Variants in SRGAP3 observed in about 807,000 individuals in gnomAD.
The protein encoded by SRGAP3 is SLIT-ROBO Rho GTPase-activating protein 3.
A neutral mutation model predicts 121.1 loss-of-function variants in SRGAP3; 39 were observed. The ratio of observed to expected loss-of-function variants is 0.32; its 90% CI spans 0.25 to 0.42. The LOEUF (loss-of-function observed/expected upper bound fraction) is 0.42, where lower values mean the gene tolerates loss of function less well. Among genes scored for constraint, SRGAP3 ranks in the 10% least tolerant of loss-of-function variants. The pLI is 1.00. For missense variants in SRGAP3, 1,213 were observed against 1,470.6 expected (o/e 0.82, Z 2.86); for synonymous variants, 601 against 570.0 (o/e 1.05, Z -0.77).
intron 3 of SRGAP3, among the ~76,000 whole-genome samples, chr3:9,324,075 CAG>C (rs2125283480): frequency 6.6e-6 from 1 of 151,970 alleles, no homozygotes; most frequent in East Asian, 1.9e-4. Flanking sequence ...GGTTACAGCT[CAG>C]AGTTTGCCTT....
At chr3:9,256,142 C>T (rs919595881) in intron 3 of SRGAP3, among the ~76,000 whole-genome samples, 3 of 152,148 alleles carry the variant, frequency 2.0e-5, no homozygotes, top group Admixed American at 6.6e-5. Flanking sequence ...GGAAATCAGT[C>T]TCTCAGCCAT....
At chr3:9,049,788 T>TC (rs1945475093) in intron 9 of SRGAP3, among the ~76,000 whole-genome samples, 1 of 151,656 alleles carries the variant, frequency 6.6e-6, no homozygotes, top group African/African-American at 2.4e-5. Flanking sequence ...TTTTTTTTTT[T>TC]TTTTAGGTAA....
intron 1 of SRGAP3, among the ~76,000 whole-genome samples, chr3:9,335,599 G>C (rs1357626066): frequency 6.6e-6 from 1 of 152,156 alleles, no homozygotes; most frequent in Non-Finnish European, 1.5e-5. Flanking sequence ...CTCAAAGTGA[G>C]GTTCCCCACA....
chr3:9,266,801 C>T (rs1057096188), intron 3 of SRGAP3, among the ~76,000 whole-genome samples: 2 of 152,150 alleles, frequency 1.3e-5, no homozygotes, highest in Non-Finnish European at 2.9e-5. Context: ...GTAATGAGGC[C>T]TTACCAGGCC....
chr3:9,142,856 A>G (rs1373343879), intron 1 of SRGAP3, among the ~76,000 whole-genome samples: 1 of 25,666 alleles, frequency 3.9e-5, no homozygotes, highest in Non-Finnish European at 8.4e-5. Context: ...TTTTTTTGAT[A>G]AGACAGGGTC....
At position 9,230,962 on chromosome 3, in the gene SRGAP3, G is replaced by T. The variant is rs967253292; in HGVS notation, c.67+17923C>A. Reference sequence around the variant, plus strand: ...TCGGTCCCCTGTCTTCTAACTGCAGGTCTACCCCAGGGCTCTGTTACTAGA... The same window carrying T: ...TCGGTCCCCTGTCTTCTAACTGCAGTTCTACCCCAGGGCTCTGTTACTAGA... On this transcript the variant is annotated intron_variant, in intron 1 of 21. Coordinates refer to ENST00000383836, the MANE Select transcript of SRGAP3 (RefSeq NM_014850.4). 2.0e-5 allele frequency among the ~76,000 whole-genome samples: 3 copies of T among 152,144 alleles called. No homozygotes were observed. In the East Asian group the frequency reaches 5.8e-4, roughly 29 times the overall value.
chr3:9,237,988 G>A (rs542513226), intron 1 of SRGAP3, among the ~76,000 whole-genome samples: 3 of 152,294 alleles, frequency 2.0e-5, no homozygotes, highest in South Asian at 4.1e-4. Context: ...GGGGACATTT[G>A]GCTATGTCTG....
At chr3:9,010,479 G>T in intron 17 of SRGAP3, 92 bp from the exon 18 acceptor site, 5 of 1,412,286 alleles carry the variant, frequency 3.5e-6, no homozygotes, top group Non-Finnish European at 5.0e-6. Flanking sequence ...TTGGCCTCTG[G>T]GCCCTCCCGC....
At chr3:9,044,786 A>G (rs71314322) in intron 10 of SRGAP3, among the ~76,000 whole-genome samples, 18,379 of 152,202 alleles carry the variant, frequency 0.12, 1,160 homozygotes, top group Middle Eastern at 0.14. Flanking sequence ...AGAAGGATGA[A>G]TTTGCTAAGA....
chr3:9,346,476 T>C (rs1955893090), intron 1 of SRGAP3, among the ~76,000 whole-genome samples: 1 of 152,192 alleles, frequency 6.6e-6, no homozygotes, highest in South Asian at 2.1e-4. Context: ...GTTGTTATTT[T>C]GTTCCTCTTT....
intron 1 of SRGAP3, among the ~76,000 whole-genome samples, chr3:9,170,484 A>G (rs1275049196): frequency 6.6e-6 from 1 of 152,158 alleles, no homozygotes; most frequent in Non-Finnish European, 1.5e-5. Flanking sequence ...CTCTCACACA[A>G]CAGAAGAGAG....
chr3:9,223,862 G>A (rs909278793), intron 1 of SRGAP3, among the ~76,000 whole-genome samples: 1 of 152,198 alleles, frequency 6.6e-6, no homozygotes, highest in Non-Finnish European at 1.5e-5. Flanking sequence ...GGGTTGCTGT[G>A]AGATTCGATT....
intron 3 of SRGAP3, among the ~76,000 whole-genome samples, chr3:9,291,600 C>T: frequency 9.4e-6 from 1 of 106,668 alleles, no homozygotes. Flanking sequence ...CATGCATCAA[C>T]ACCACACACA....
Position 9,013,857 on chromosome 3 carries a change from G to A in SRGAP3, c.1814-15C>T. 1 of 1,612,156 alleles carries A rather than the reference G, an allele frequency of 6.2e-7. No homozygotes were observed. Reference sequence around the variant, plus strand: ...GTTCTCCAGTTCTGTAACATAAAGGGGCCTTTCAGCGTGCCTTTCATCCTC... The same window carrying A: ...GTTCTCCAGTTCTGTAACATAAAGGAGCCTTTCAGCGTGCCTTTCATCCTC... On this transcript the variant is annotated splice_polypyrimidine_tract_variant and intron_variant, in intron 15 of 21. Transcript: ENST00000383836.
intron 1 of SRGAP3, among the ~76,000 whole-genome samples, chr3:9,245,959 G>A (rs1380567548): frequency 6.6e-6 from 1 of 152,148 alleles, no homozygotes; most frequent in African/African-American, 2.4e-5. Context: ...AAGAGCCAGA[G>A]CTGTCCAAAG....
chr3:9,233,213 G>A (rs1953281762), intron 1 of SRGAP3, among the ~76,000 whole-genome samples: 1 of 152,276 alleles, frequency 6.6e-6, no homozygotes, highest in East Asian at 1.9e-4. Context: ...TTTCACATGA[G>A]GAAACTGGAA....
At chr3:9,227,994 G>A (rs1953052377) in intron 1 of SRGAP3, among the ~76,000 whole-genome samples, 1 of 152,086 alleles carries the variant, frequency 6.6e-6, no homozygotes, top group Non-Finnish European at 1.5e-5. Context: ...GACATAGAAT[G>A]GTTTGTTATG....
In SRGAP3 at chr3:9,349,090, T is replaced by C. The variant is rs562410915; in HGVS notation, n.214+13750A>G. The C allele has an allele frequency of 2.1e-5, 19 of 916,228 alleles. No individual in the cohort carries two copies. The East Asian group carries it at 4.0e-4, about 19-fold the overall frequency. The allele number at this position is 916,228 out of a possible 1,614,324, so 56.8% of individuals were successfully genotyped here. A position where few individuals can be genotyped will look rare whatever the true frequency, so the allele number is the denominator to read the frequency against. Reference sequence around the variant, plus strand: ...TGCCCACTGGTATTCCCGTTGTCTATGAATTGGACAAGAACTTGAAACCCA... The same window carrying C: ...TGCCCACTGGTATTCCCGTTGTCTACGAATTGGACAAGAACTTGAAACCCA... On this transcript the variant is annotated intron_variant and non_coding_transcript_variant, in intron 1 of 3. Coordinates refer to the SRGAP3 transcript ENST00000490889.
intron 3 of SRGAP3, among the ~76,000 whole-genome samples, chr3:9,312,899 G>A (rs1955274196): frequency 6.6e-6 from 1 of 152,102 alleles, no homozygotes; most frequent in Non-Finnish European, 1.5e-5. Context: ...GACTGAGGCA[G>A]GGGGATCACT....
Sources: allele counts gnomAD v4.1 joint callset (sites outside exome capture counted in the v4.1 genomes callset), GRCh38; gene constraint gnomAD v4.1.1; transcripts MANE v1.5; gene names NCBI Gene and HGNC (gene_info 2026-07-23, HGNC 2026-07-21).